Variants in AGMO observed in about 807,000 individuals in gnomAD.
The protein encoded by AGMO is alkylglycerol monooxygenase.
AGMO carries 75 observed loss-of-function variants against 60.2 expected under a neutral mutation model. The ratio of observed to expected loss-of-function variants is 1.25; its 90% confidence interval spans 1.03 to 1.51. The LOEUF is 1.51. AGMO is among the 40% of genes most tolerant of loss of function. AGMO has a pLI of 0.00. For missense variants in AGMO, 763 were observed against 525.5 expected (o/e 1.45, Z -4.42); for synonymous variants, 261 against 177.1 (o/e 1.47, Z -3.76).
At chr7:15,287,003 A>G (rs910672140) in intron 12 of AGMO, among the ~76,000 whole-genome samples, 7 of 152,188 alleles carry the variant, frequency 4.6e-5, no homozygotes, top group Admixed American at 1.3e-4. Context: ...GCTTTCACTT[A>G]TATGTGGGAG....
chr7:15,221,248 C>T (rs978605582), intron 12 of AGMO, among the ~76,000 whole-genome samples: 1 of 152,054 alleles, frequency 6.6e-6, no homozygotes, highest in African/African-American at 2.4e-5. Context: ...CTATTCCAGC[C>T]CCTCTGGAAG....
chr7:15,140,557 G>C, the AGMO span, among the ~76,000 whole-genome samples: 2 of 151,594 alleles, frequency 1.3e-5, no homozygotes, highest in East Asian at 1.9e-4. Context: ...TCTTAATCTC[G>C]CCTTTACTTT....
At chr7:15,143,241 G>C in the AGMO span, among the ~76,000 whole-genome samples, 12 of 152,228 alleles carry the variant, frequency 7.9e-5, no homozygotes, top group South Asian at 4.1e-4. Flanking sequence ...CTCTTTAGTT[G>C]ACAGACTTTT....
At chr7:15,364,354 T>G (rs1429886646) in intron 12 of AGMO, among the ~76,000 whole-genome samples, 1 of 152,014 alleles carries the variant, frequency 6.6e-6, no homozygotes, top group Non-Finnish European at 1.5e-5. Context: ...CTCTCCCTGT[T>G]TTTATACTTA....
At chr7:15,274,030 A>C (rs1018736221) in intron 12 of AGMO, among the ~76,000 whole-genome samples, 5 of 152,108 alleles carry the variant, frequency 3.3e-5, no homozygotes, top group African/African-American at 4.8e-5. Flanking sequence ...GGGCTGAGAC[A>C]ATGGGGTTTT....
chr7:15,269,874 C>T (rs1342526398), intron 12 of AGMO, among the ~76,000 whole-genome samples: 1 of 151,950 alleles, frequency 6.6e-6, no homozygotes, highest in African/African-American at 2.4e-5. Flanking sequence ...GGAATTTTTG[C>T]TTCTGAGCTA....
At chr7:15,313,703 C>A (rs1780832306) in intron 12 of AGMO, among the ~76,000 whole-genome samples, 1 of 152,044 alleles carries the variant, frequency 6.6e-6, no homozygotes. Context: ...CCAGTGGATG[C>A]CTAAAACCAC....
intron 12 of AGMO, among the ~76,000 whole-genome samples, chr7:15,223,745 A>G (rs1261625771): frequency 6.6e-6 from 1 of 152,002 alleles, no homozygotes; most frequent in Non-Finnish European, 1.5e-5. Flanking sequence ...TATCTTTATT[A>G]ATACCTGCCC....
rs572009050 is a variant in AGMO at position 15,274,520 on chromosome 7, T to A, written c.1264-73161A>T. ...GATGTGCTGCTGGATTTGGTTTGAT[T>A]GGTCTATGTTTTTATTTTGTGTTGT... On this transcript the variant is annotated intron_variant, in intron 12 of 12. Transcript: ENST00000342526. Among the ~76,000 whole-genome samples, 16 of 151,500 alleles carry A rather than the reference T, an allele frequency of 1.1e-4. No individual in the cohort carries two copies. The South Asian group carries it at 3.3e-3, about 31-fold the overall frequency.
the AGMO span, among the ~76,000 whole-genome samples, chr7:15,159,922 T>C: frequency 6.6e-6 from 1 of 152,222 alleles, no homozygotes; most frequent in Non-Finnish European, 1.5e-5. Context: ...ATCCGATGTA[T>C]TTCTCTGCCA....
At chr7:15,330,689 A>G (rs1781472769) in intron 12 of AGMO, among the ~76,000 whole-genome samples, 1 of 152,108 alleles carries the variant, frequency 6.6e-6, no homozygotes, top group Non-Finnish European at 1.5e-5. Context: ...CTGCCTATAG[A>G]GACAATATAT....
intron 3 of AGMO, among the ~76,000 whole-genome samples, chr7:15,478,141 A>C (rs1436820059): frequency 1.3e-5 from 2 of 152,164 alleles, no homozygotes; most frequent in African/African-American, 4.8e-5. Context: ...GGATGACTTT[A>C]ATACTTATGA....
At chr7:15,122,871 A>T in the AGMO span, among the ~76,000 whole-genome samples, 3 of 152,062 alleles carry the variant, frequency 2.0e-5, no homozygotes, top group Admixed American at 1.3e-4. Context: ...GGCCAGAGTG[A>T]AACATTTAAA....
At chr7:15,269,735 G>T (rs899292171) in intron 12 of AGMO, among the ~76,000 whole-genome samples, 1 of 151,978 alleles carries the variant, frequency 6.6e-6, no homozygotes, top group Non-Finnish European at 1.5e-5. Context: ...AAACCAATAG[G>T]TAAGGCTTCA....
chr7:15,322,595 T>A (rs868558253), intron 12 of AGMO, among the ~76,000 whole-genome samples: 11 of 44,628 alleles, frequency 2.5e-4, no homozygotes, highest in African/African-American at 8.0e-4. Flanking sequence ...AATATATAAA[T>A]ATATATAAAT....
chr7:15,351,104 T>C (rs1477072281), intron 12 of AGMO, among the ~76,000 whole-genome samples: 3 of 152,130 alleles, frequency 2.0e-5, no homozygotes, highest in South Asian at 2.1e-4. Flanking sequence ...ATAGTTTAGG[T>C]ATAGTTGATA....
intron 12 of AGMO, among the ~76,000 whole-genome samples, chr7:15,280,805 A>G (rs1377670618): frequency 1.3e-5 from 2 of 152,176 alleles, no homozygotes; most frequent in African/African-American, 4.8e-5. Context: ...GAGTTTGTCC[A>G]TGTGACCAGT....
the AGMO span, among the ~76,000 whole-genome samples, chr7:15,150,576 T>A: frequency 3.9e-5 from 6 of 152,156 alleles, no homozygotes; most frequent in Non-Finnish European, 7.4e-5. Context: ...GTTTTTGTTT[T>A]TAGCTCTGCT....
At chr7:15,362,894 C>T (rs181154046) in intron 12 of AGMO, among the ~76,000 whole-genome samples, 53 of 152,230 alleles carry the variant, frequency 3.5e-4, no homozygotes, top group African/African-American at 3.9e-4. Flanking sequence ...ATTACATGGA[C>T]GAAAATGTAC....
Sources: allele counts gnomAD v4.1 joint callset (sites outside exome capture counted in the v4.1 genomes callset), GRCh38; gene constraint gnomAD v4.1.1; transcripts MANE v1.5; gene names NCBI Gene and HGNC (gene_info 2026-07-23, HGNC 2026-07-21).